Variants in SPAG9 observed in about 807,000 individuals in gnomAD.
SPAG9 encodes sperm associated antigen 9.
SPAG9 carries 35 observed loss-of-function variants against 166.5 expected under a neutral mutation model. The ratio of observed to expected loss-of-function variants is 0.21; its 90% CI spans 0.16 to 0.28. The LOEUF is 0.28. Among genes scored for constraint, SPAG9 ranks in the 10% least tolerant of loss-of-function variants. SPAG9 has a pLI of 1.00. For missense variants in SPAG9, 1,235 were observed against 1,603.3 expected, an observed-to-expected ratio of 0.77 and a Z score of 3.92; for synonymous variants, 534 against 565.5, an observed-to-expected ratio of 0.94 and a Z score of 0.79.
In SPAG9 at chr17:51,120,307, G is replaced by GCCCC; in HGVS notation, c.303+43_303+46dup. The GCCCC allele has an allele frequency of 7.4e-7, 1 of 1,357,538 alleles. No homozygotes were observed. The highest frequency in any genetic ancestry group is 9.8e-7 in the Non-Finnish European group (1 of 1,025,364). 84.1% of individuals were successfully genotyped at this position (1,357,538 alleles called of 1,614,324 possible). A position where few individuals can be genotyped will look rare whatever the true frequency, so the allele number is the denominator to read the frequency against. On this transcript the variant is annotated intron_variant, in intron 1 of 29. Coordinates refer to ENST00000262013, the MANE Select transcript of SPAG9 (RefSeq NM_001130528.3). This position sits in a 1 kb window ranked among gnomAD's most constrained non-coding sequence, Gnocchi z 4.7. ...ACCGGGCCGCGACCCCGCCCCGGCCGCCCCCGGAGACGGATCCCGCGGCCC... is the reference window on the plus strand; with the variant it reads ...ACCGGGCCGCGACCCCGCCCCGGCCGCCCCCCCCCGGAGACGGATCCCGCGGCCC...
intron 11 of SPAG9, 34 bp downstream of exon 11, chr17:51,006,051 G>A (rs1310059727): frequency 6.2e-7 from 1 of 1,609,520 alleles, no homozygotes; most frequent in Non-Finnish European, 8.5e-7. Flanking sequence ...AACTGGCAAA[G>A]AGTTTGGTTT....
intron 3 of SPAG9, among the ~76,000 whole-genome samples, chr17:51,050,013 A>G (rs930201305): frequency 1.3e-5 from 2 of 152,238 alleles, no homozygotes; most frequent in Non-Finnish European, 1.5e-5. Flanking sequence ...CTCACCCCAG[A>G]TTGCTGTATA....
chr17:51,109,020 GC>G lies in SPAG9; in HGVS notation c.303+11333del, dbSNP rs1489529705. On this transcript the variant is annotated intron_variant, in intron 1 of 29. Transcript: ENST00000262013. ...TGGGATTACAGACGTGCACCACCAAGCCCAGCTACTTTTATATTTTTAGTAG... is the reference window on the plus strand; with the variant it reads ...TGGGATTACAGACGTGCACCACCAAGCCAGCTACTTTTATATTTTTAGTAG... Among the ~76,000 whole-genome samples the G allele has an allele frequency of 2.6e-5, 4 of 151,370 alleles. No homozygotes were observed. The East Asian group carries it at 7.8e-4, about 29-fold the overall frequency.
chr17:50,977,226 A>G lies in SPAG9; in HGVS notation c.3410-5T>C. 1.3e-6 allele frequency: 2 copies of G among 1,567,922 alleles called. No homozygotes were observed. Among genetic ancestry groups the G allele is most frequent in the Non-Finnish European group, 1.8e-6 (2 of 1,138,272 alleles). ...AGAAGCCCAGTTTTCCAGTACCTGT[A>G]AAGAAAGGAGGGAACACGTTATTGA... On this transcript the variant is annotated splice_polypyrimidine_tract_variant and splice_region_variant and intron_variant, in intron 26 of 29. Transcript: ENST00000262013.
At chr17:51,035,363 T>G (rs544495196) in intron 5 of SPAG9, among the ~76,000 whole-genome samples, 31 of 152,316 alleles carry the variant, frequency 2.0e-4, no homozygotes, top group African/African-American at 7.5e-4. Context: ...TTTTGCAACT[T>G]TTCTGTAAGT....
chr17:51,017,434 T>C (rs1032968675), intron 8 of SPAG9, among the ~76,000 whole-genome samples: 1 of 152,054 alleles, frequency 6.6e-6, no homozygotes, highest in Non-Finnish European at 1.5e-5. Context: ...AGTAAGGATA[T>C]GCTCTGTCAA....
At chr17:51,034,515 T>C (rs2046511029) in intron 5 of SPAG9, among the ~76,000 whole-genome samples, 1 of 152,108 alleles carries the variant, frequency 6.6e-6, no homozygotes, top group African/African-American at 2.4e-5. Context: ...GAAAGAGCTC[T>C]CAATGTCCAA....
intron 8 of SPAG9, among the ~76,000 whole-genome samples, chr17:51,017,475 T>C (rs2045748916): frequency 1.3e-5 from 2 of 151,718 alleles, no homozygotes; most frequent in African/African-American, 4.8e-5. Context: ...AGCAGGGTGA[T>C]GTAGGATCCA....
intron 9 of SPAG9, chr17:51,009,198 G>A (rs1160919223): frequency 2.2e-6 from 1 of 448,198 alleles, no homozygotes; most frequent in Non-Finnish European, 4.5e-6. Context: ...ATTGTTTTCA[G>A]AAAGCAAGAA....
Position 51,012,894 on chromosome 17 carries a change from A to G in SPAG9, c.1213+1338T>C, listed in dbSNP as rs544744276. Among the ~76,000 whole-genome samples the G allele has an allele frequency of 7.3e-5, 11 of 151,302 alleles. No individual in the cohort carries two copies. In the South Asian group the frequency reaches 2.3e-3, roughly 32 times the overall value. ...TCCCAAGCAGCTGAACTACTGGCAT[A>G]CTCCACCATGCCTGGCTAATTTTGA... is the stretch of plus-strand genomic sequence containing the variant. On this transcript the variant is annotated intron_variant, in intron 9 of 29. Coordinates refer to ENST00000262013, the MANE Select transcript of SPAG9 (RefSeq NM_001130528.3).
In SPAG9 at chr17:50,989,602, CTGTT is replaced by C. The variant is rs1227317862; in HGVS notation, c.2813+71_2813+74del. The stretch of plus-strand genomic sequence containing the variant: ...ACACTAATTAGTGGAAATCTTTTGA[CTGTT>C]TGAGATTATTTTGGTTCCTTTTATT... On this transcript the variant is annotated intron_variant, in intron 21 of 29. Coordinates refer to ENST00000262013, the MANE Select transcript of SPAG9 (RefSeq NM_001130528.3). 1.9e-5 allele frequency: 22 copies of C among 1,140,636 alleles called. No individual in the cohort carries two copies. In the Middle Eastern group the frequency reaches 6.7e-4, roughly 35 times the overall value. The allele number at this position is 1,140,636 out of a possible 1,614,324, so 70.7% of individuals were successfully genotyped here.
intron 2 of SPAG9, among the ~76,000 whole-genome samples, chr17:51,060,846 TG>T (rs1303865513): frequency 2.7e-4 from 40 of 148,866 alleles, no homozygotes; most frequent in African/African-American, 1.0e-3. Flanking sequence ...GGGTTTTTTT[TG>T]TTTTTTTTTT....
intron 8 of SPAG9, among the ~76,000 whole-genome samples, chr17:51,015,868 C>T (rs898019628): frequency 6.6e-6 from 1 of 151,846 alleles, no homozygotes; most frequent in African/African-American, 2.4e-5. Flanking sequence ...GAAGAAACAA[C>T]AATAAGAAGA....
At chr17:51,077,434 A>T (rs945178433) in intron 2 of SPAG9, among the ~76,000 whole-genome samples, 5 of 151,312 alleles carry the variant, frequency 3.3e-5, no homozygotes, top group African/African-American at 7.3e-5. Context: ...GTCTCTATTT[A>T]AAAAAAAGTA....
rs555243159 is a variant in SPAG9 at position 51,113,497 on chromosome 17, T to C, written c.303+6857A>G. Among the ~76,000 whole-genome samples the C allele has an allele frequency of 2.7e-5, 4 of 150,036 alleles. No homozygotes were observed. The South Asian group carries it at 6.3e-4, about 24-fold the overall frequency. On this transcript the variant is annotated intron_variant, in intron 1 of 29. Transcript: ENST00000262013. ...GAGTTCAATACCAGCCTGGACAACA[T>C]GGTAAAACCCCATCTCTATTAAAAA...
chr17:51,007,173 G>A (rs1003773345), intron 10 of SPAG9, 96 bp downstream of exon 10: 12 of 649,112 alleles, frequency 1.8e-5, no homozygotes, highest in Non-Finnish European at 2.9e-5. Flanking sequence ...ATGGGACAGG[G>A]AGATTCCATT....
chr17:50,996,355 C>T, intron 16 of SPAG9: 1 of 552,574 alleles, frequency 1.8e-6, no homozygotes, highest in South Asian at 2.5e-5. Context: ...TTGACTCCTC[C>T]CCCCCTCACA....
chr17:51,114,080 C>T (rs1035771314), intron 1 of SPAG9, among the ~76,000 whole-genome samples: 2 of 152,152 alleles, frequency 1.3e-5, no homozygotes, highest in Non-Finnish European at 2.9e-5. Flanking sequence ...AATCCCAGCA[C>T]TTTGGGAGGC....
intron 3 of SPAG9, among the ~76,000 whole-genome samples, chr17:51,050,968 CGAAGGGAGGGAG>C (rs1364705972): frequency 1.9e-5 from 2 of 107,888 alleles, no homozygotes; most frequent in Non-Finnish European, 3.7e-5. Flanking sequence ...AAGGAAAGAA[CGAAGGGAGGGAG>C]GAAAGGGAAG....
Sources: allele counts gnomAD v4.1 joint callset (sites outside exome capture counted in the v4.1 genomes callset), GRCh38; gene constraint gnomAD v4.1.1; non-coding constraint Gnocchi (gnomAD v3.1); transcripts MANE v1.5; gene names NCBI Gene and HGNC (gene_info 2026-07-23, HGNC 2026-07-21).